HMGCLL1: variants seen among roughly 807,000 people sequenced by gnomAD.
HMGCLL1 encodes 3-hydroxymethyl-3-methylglutaryl-CoA lyase, cytoplasmic.
Under a neutral mutation model 39.1 loss-of-function variants are expected in HMGCLL1, and 36 were observed. That is an observed-to-expected ratio of 0.92 (90% CI 0.71 to 1.22). The LOEUF (loss-of-function observed/expected upper bound fraction) is 1.22. HMGCLL1 is among the 50% of genes most tolerant of loss of function. The pLI is 0.00. For missense variants in HMGCLL1, 451 were observed against 416.5 expected, an observed-to-expected ratio of 1.08 and a Z score of -0.72; for synonymous variants, 149 against 144.0, an observed-to-expected ratio of 1.03 and a Z score of -0.25.
chr6:55,607,051 T>C, the HMGCLL1 span, among the ~76,000 whole-genome samples: 1 of 152,168 alleles, frequency 6.6e-6, no homozygotes, highest in Non-Finnish European at 1.5e-5. Context: ...TGTTAATTAG[T>C]TAATCAGCAA....
intron 5 of HMGCLL1, among the ~76,000 whole-genome samples, chr6:55,499,885 G>T (rs1486811396): frequency 1.3e-5 from 2 of 151,888 alleles, no homozygotes; most frequent in Non-Finnish European, 2.9e-5. Flanking sequence ...TTAGAATTAA[G>T]ATATTCTATA....
At chr6:55,629,519 C>T in the HMGCLL1 span, among the ~76,000 whole-genome samples, 1 of 152,126 alleles carries the variant, frequency 6.6e-6, no homozygotes, top group Non-Finnish European at 1.5e-5. Context: ...TCCAAGCTGG[C>T]TGCATAAATT....
At chr6:55,466,416 T>C (rs534747082) in intron 7 of HMGCLL1, among the ~76,000 whole-genome samples, 27 of 152,238 alleles carry the variant, frequency 1.8e-4, no homozygotes, top group Admixed American at 1.3e-4. Context: ...TTTGAGAATC[T>C]GCTTTGAGAA....
intron 3 of HMGCLL1, among the ~76,000 whole-genome samples, chr6:55,534,809 C>T (rs1033682050): frequency 1.3e-5 from 2 of 152,086 alleles, no homozygotes; most frequent in Non-Finnish European, 1.5e-5. Context: ...ATTTGGTGTG[C>T]GGGTAATCGA....
At chr6:55,647,710 CT>C in the HMGCLL1 span, among the ~76,000 whole-genome samples, 1 of 125,884 alleles carries the variant, frequency 7.9e-6, no homozygotes, top group African/African-American at 3.0e-5. Flanking sequence ...CCCATTTTAA[CT>C]TTTTGTAGTT....
At chr6:55,676,885 G>A in the HMGCLL1 span, among the ~76,000 whole-genome samples, 3 of 152,182 alleles carry the variant, frequency 2.0e-5, no homozygotes, top group South Asian at 2.1e-4. Context: ...TCCCGCATGC[G>A]GGGAAAAATA....
At position 55,539,344 on chromosome 6, in the gene HMGCLL1, T is replaced by A. The variant is rs1227623015; in HGVS notation, c.297+2385A>T. On this transcript the variant is annotated intron_variant, in intron 3 of 8. Transcript: ENST00000274901. ...CCCATCAATCCCATTACTGGGTATA[T>A]AACCAAAGGAATATAAATAATTCTA... Among the ~76,000 whole-genome samples the A allele has an allele frequency of 3.3e-5, 5 of 152,138 alleles. No individual in the cohort carries two copies. In the South Asian group the frequency reaches 1.0e-3, roughly 32 times the overall value.
chr6:55,627,961 A>ATAGT, the HMGCLL1 span, among the ~76,000 whole-genome samples: 3 of 854 alleles, frequency 3.5e-3, no homozygotes, highest in Non-Finnish European at 6.4e-3. Flanking sequence ...CTATATATAT[A>ATAGT]ATATATATAT....
At chr6:55,546,405 A>T (rs1769978458) in intron 1 of HMGCLL1, among the ~76,000 whole-genome samples, 2 of 152,104 alleles carry the variant, frequency 1.3e-5, no homozygotes, top group African/African-American at 4.8e-5. Context: ...TAAAACCCTC[A>T]GAGTTATCAA....
At chr6:55,622,723 T>C in the HMGCLL1 span, among the ~76,000 whole-genome samples, 4 of 152,108 alleles carry the variant, frequency 2.6e-5, no homozygotes, top group African/African-American at 4.8e-5. Context: ...TAATTTTCTT[T>C]TTTTGTTTTG....
At chr6:55,544,800 A>G (rs1318646915) in intron 1 of HMGCLL1, among the ~76,000 whole-genome samples, 1 of 152,170 alleles carries the variant, frequency 6.6e-6, no homozygotes, top group Non-Finnish European at 1.5e-5. Context: ...AAGCAAAAAA[A>G]GCAACCTAGA....
At chr6:55,501,539 G>C (rs1237347173) in intron 5 of HMGCLL1, among the ~76,000 whole-genome samples, 1 of 151,792 alleles carries the variant, frequency 6.6e-6, no homozygotes, top group African/African-American at 2.4e-5. Context: ...AATATGAACT[G>C]AATTCTCTTA....
intron 7 of HMGCLL1, among the ~76,000 whole-genome samples, chr6:55,451,991 A>G (rs553828608): frequency 6.6e-6 from 1 of 152,340 alleles, no homozygotes; most frequent in South Asian, 2.1e-4. Flanking sequence ...TACCTAGAAC[A>G]TAATAAGTTA....
At chr6:55,437,613 T>C (rs189720225) in intron 8 of HMGCLL1, among the ~76,000 whole-genome samples, 2 of 152,104 alleles carry the variant, frequency 1.3e-5, no homozygotes, top group East Asian at 3.9e-4. Flanking sequence ...CCATTAACCC[T>C]GGAAAAGGTA....
intron 5 of HMGCLL1, chr6:55,513,764 C>T: frequency 2.5e-6 from 1 of 407,274 alleles, no homozygotes; most frequent in Non-Finnish European, 4.3e-6. Context: ...AAGAGGGCTG[C>T]ATTTGGGTGC....
chr6:55,480,887 G>C (rs181287232), intron 7 of HMGCLL1, among the ~76,000 whole-genome samples: 1 of 152,240 alleles, frequency 6.6e-6, no homozygotes, highest in East Asian at 1.9e-4. Flanking sequence ...GGCACAGAAA[G>C]ACAAACTTCA....
chr6:55,524,639 A>G (rs1309429368), intron 3 of HMGCLL1, among the ~76,000 whole-genome samples: 1 of 151,886 alleles, frequency 6.6e-6, no homozygotes, highest in African/African-American at 2.4e-5. Flanking sequence ...GCTTCACTTG[A>G]AGTAATAGGG....
At chr6:55,620,577 A>G in the HMGCLL1 span, among the ~76,000 whole-genome samples, 1 of 151,954 alleles carries the variant, frequency 6.6e-6, no homozygotes, top group Non-Finnish European at 1.5e-5. Context: ...TTAACTTAAA[A>G]TATCCCATTT....
intron 5 of HMGCLL1, among the ~76,000 whole-genome samples, chr6:55,504,940 T>C (rs895886767): frequency 6.6e-6 from 1 of 151,676 alleles, no homozygotes; most frequent in Non-Finnish European, 1.5e-5. Flanking sequence ...TTGAAATCCA[T>C]TTTTAAACAT....
Sources: allele counts gnomAD v4.1 joint callset (sites outside exome capture counted in the v4.1 genomes callset), GRCh38; gene constraint gnomAD v4.1.1; transcripts MANE v1.5; gene names NCBI Gene and HGNC (gene_info 2026-07-23, HGNC 2026-07-21).